The following ZNF423 variants were observed in gnomAD, a reference collection of about 807,000 sequenced individuals.
ZNF423 encodes the protein zinc finger protein 423.
Under a neutral mutation model 95.8 loss-of-function variants are expected in ZNF423, and 12 were observed. The ratio of observed to expected loss-of-function variants is 0.13; its 90% CI spans 0.08 to 0.20. The LOEUF (loss-of-function observed/expected upper bound fraction) is 0.20. Among genes scored for constraint, ZNF423 ranks in the 10% least tolerant of loss-of-function variants. The pLI, the probability that ZNF423 is intolerant of heterozygous loss-of-function variation, is 1.00. For missense variants in ZNF423, 1,316 were observed against 1,737.1 expected (o/e 0.76, Z 4.31); for synonymous variants, 749 against 711.9 (o/e 1.05, Z -0.83).
chr16:49,817,399 A>G (rs1014987025), intron 1 of ZNF423, among the ~76,000 whole-genome samples: 2 of 152,036 alleles, frequency 1.3e-5, no homozygotes, highest in Non-Finnish European at 2.9e-5. Context: ...GCAGAAGTCC[A>G]CTCTCTGGGC....
intron 3 of ZNF423, among the ~76,000 whole-genome samples, chr16:49,729,780 G>A (rs1467811469): frequency 6.6e-6 from 1 of 152,050 alleles, no homozygotes; most frequent in African/African-American, 2.4e-5. Flanking sequence ...AATCATAGCA[G>A]TTCCCCAAAC....
chr16:49,525,606 C>CGGG, intron 5 of ZNF423, 112 bp from the exon 6 acceptor site: 2 of 1,474,788 alleles, frequency 1.4e-6, no homozygotes, highest in Non-Finnish European at 1.8e-6. Context: ...TCCCCAGCAC[C>CGGG]GGGGCTGGTG....
At chr16:49,857,857 C>T (rs997803114), upstream of ZNF423, 1 of 152,316 alleles carries the variant, frequency 6.6e-6, no homozygotes, top group Non-Finnish European at 1.5e-5. This position sits in a 1 kb window ranked among gnomAD's most constrained non-coding sequence, Gnocchi z 6.2. Flanking sequence ...TCCCCCGCAG[C>T]TCCTGAACCG....
chr16:49,619,020 C>T (rs1275135680), intron 5 of ZNF423, among the ~76,000 whole-genome samples: 1 of 152,138 alleles, frequency 6.6e-6, no homozygotes, highest in Non-Finnish European at 1.5e-5. Context: ...TGTACAGTGT[C>T]CCTACATACT....
intron 3 of ZNF423, among the ~76,000 whole-genome samples, chr16:49,723,813 G>C (rs2032933353): frequency 6.6e-6 from 1 of 152,164 alleles, no homozygotes; most frequent in Admixed American, 6.5e-5. Context: ...CAGTTGCTGA[G>C]AGAGCCATCT....
intron 3 of ZNF423, among the ~76,000 whole-genome samples, chr16:49,686,910 C>A (rs551463290): frequency 6.6e-6 from 1 of 152,036 alleles, no homozygotes; most frequent in Non-Finnish European, 1.5e-5. Flanking sequence ...AGCCTCGCAT[C>A]CCCATCCCAC....
chr16:49,657,636 C>T (rs974640332), intron 3 of ZNF423, among the ~76,000 whole-genome samples: 13 of 152,214 alleles, frequency 8.5e-5, no homozygotes, highest in Admixed American at 4.6e-4. Context: ...CCTGCAGACA[C>T]GAAGGTTTTG....
chr16:49,538,514 C>T (rs773421655), intron 5 of ZNF423, among the ~76,000 whole-genome samples: 1 of 152,226 alleles, frequency 6.6e-6, no homozygotes, highest in Non-Finnish European at 1.5e-5. Context: ...GGATAATCCT[C>T]CCCAGGCTCC....
intron 5 of ZNF423, among the ~76,000 whole-genome samples, chr16:49,545,672 T>A (rs550975818): frequency 6.6e-6 from 1 of 152,280 alleles, no homozygotes; most frequent in South Asian, 2.1e-4. Context: ...CCACGTCACA[T>A]GGGGAGTGGG....
chr16:49,621,124 G>A (rs1400936491), intron 5 of ZNF423, among the ~76,000 whole-genome samples: 1 of 152,192 alleles, frequency 6.6e-6, no homozygotes, highest in African/African-American at 2.4e-5. Context: ...CCTCGGAGGG[G>A]GTGAAGGGGA....
intron 7 of ZNF423, among the ~76,000 whole-genome samples, chr16:49,520,628 C>G (rs907940555): frequency 6.6e-6 from 1 of 152,192 alleles, no homozygotes; most frequent in African/African-American, 2.4e-5. Context: ...TAACCTCAAA[C>G]TACACAAGGC....
rs535888090 is a variant in ZNF423, at chr16:49,699,472, G to A, written c.301+31299C>T. Among the ~76,000 whole-genome samples the A allele has an allele frequency of 1.7e-4, 26 of 152,320 alleles. No homozygotes were observed. In the South Asian group the frequency reaches 2.1e-3, roughly 12 times the overall value. ...CTGGACATCTGTTTGGGGGCGCAAAGGCTCCTCCCACACCGTCCCCCGCCC... is the reference window on the plus strand; with the variant it reads ...CTGGACATCTGTTTGGGGGCGCAAAAGCTCCTCCCACACCGTCCCCCGCCC... On this transcript the variant is annotated intron_variant, in intron 3 of 7. Coordinates refer to ENST00000563137, the MANE Select transcript of ZNF423 (RefSeq NM_001379286.1).
intron 5 of ZNF423, among the ~76,000 whole-genome samples, chr16:49,527,868 T>A (rs910583551): frequency 6.6e-6 from 1 of 152,092 alleles, no homozygotes; most frequent in African/African-American, 2.4e-5. Flanking sequence ...CCCCTCATTG[T>A]ACATGACCTC....
intron 5 of ZNF423, among the ~76,000 whole-genome samples, chr16:49,539,785 C>T (rs750504492): frequency 1.8e-4 from 28 of 151,904 alleles, no homozygotes; most frequent in Non-Finnish European, 3.1e-4. Flanking sequence ...AAAACACAGT[C>T]GCCCAGAAAT....
intron 2 of ZNF423, among the ~76,000 whole-genome samples, chr16:49,755,322 T>TCCCC (rs2033706245): frequency 6.6e-6 from 1 of 152,194 alleles, no homozygotes; most frequent in Non-Finnish European, 1.5e-5. Context: ...TCCCGCCTCC[T>TCCCC]CGCCCGCTTT....
rs556560708 is a variant in ZNF423, at chr16:49,786,236, C to T, written c.100+3251G>A. Among the ~76,000 whole-genome samples the T allele has an allele frequency of 1.1e-3, 175 of 152,352 alleles. 1 individual carries two copies. The highest frequency in any genetic ancestry group is 4.2e-3 in the African/African-American group (173 of 41,578). The stretch of plus-strand genomic sequence containing the variant: ...GCCAGGCTCTCCATCACTGTCAGGG[C>T]CCCCGCTCGAGGGCACGGAAGGAGC... On this transcript the variant is annotated intron_variant, in intron 2 of 7. Coordinates refer to ENST00000563137, the MANE Select transcript of ZNF423 (RefSeq NM_001379286.1).
At chr16:49,692,649 T>C (rs2031829615) in intron 3 of ZNF423, among the ~76,000 whole-genome samples, 1 of 152,114 alleles carries the variant, frequency 6.6e-6, no homozygotes, top group South Asian at 2.1e-4. Flanking sequence ...GGAGAAAGGA[T>C]GAGGAGGAGG....
chr16:49,622,143 ACTG>A (rs1972104328), intron 5 of ZNF423, among the ~76,000 whole-genome samples: 1 of 152,148 alleles, frequency 6.6e-6, no homozygotes, highest in South Asian at 2.1e-4. Flanking sequence ...CATACAGGAA[ACTG>A]CTGCTGCTGC....
intron 1 of ZNF423, among the ~76,000 whole-genome samples, chr16:49,839,642 C>G (rs2035162375): frequency 6.6e-6 from 1 of 152,186 alleles, no homozygotes; most frequent in South Asian, 2.1e-4. Context: ...CAGAAACAGC[C>G]CCAAGGAACT....
Sources: allele counts gnomAD v4.1 joint callset (sites outside exome capture counted in the v4.1 genomes callset), GRCh38; gene constraint gnomAD v4.1.1; non-coding constraint Gnocchi (gnomAD v3.1); transcripts MANE v1.5; gene names NCBI Gene and HGNC (gene_info 2026-07-23, HGNC 2026-07-21).